Variants in ZNF253 observed in about 807,000 individuals in gnomAD.
ZNF253 encodes zinc finger protein 253.
ZNF253 carries 8 observed loss-of-function variants against 11.9 expected under a neutral mutation model. The observed-to-expected ratio is 0.67, with a 90% CI of 0.40 to 1.22. The LOEUF is 1.22. Among genes scored for constraint, ZNF253 ranks in the 50% most tolerant of loss-of-function variants. The probability of loss-of-function intolerance (pLI) is 0.01; values close to 1 mark genes in which losing one functional copy is unlikely to be tolerated. For missense variants in ZNF253, 485 were observed against 586.9 expected, an observed-to-expected ratio of 0.83 and a Z score of 1.79; for synonymous variants, 194 against 194.9, an observed-to-expected ratio of 1.00 and a Z score of 0.04.
intron 3 of ZNF253, among the ~76,000 whole-genome samples, chr19:19,890,990 G>A (rs985461573): frequency 2.0e-5 from 3 of 149,832 alleles, no homozygotes; most frequent in African/African-American, 7.6e-5. Context: ...AAATGTGCCC[G>A]CCACCATGTC....
intron 3 of ZNF253, among the ~76,000 whole-genome samples, chr19:19,886,574 TA>T (rs2063207201): frequency 6.6e-6 from 1 of 152,328 alleles, no homozygotes; most frequent in African/African-American, 2.4e-5. Flanking sequence ...CTTTTCACTC[TA>T]TTAATTCAAA....
At chr19:19,889,161 T>C (rs2063218719) in intron 3 of ZNF253, among the ~76,000 whole-genome samples, 1 of 151,938 alleles carries the variant, frequency 6.6e-6, no homozygotes, top group South Asian at 2.1e-4. Context: ...TTCAGCTTCT[T>C]CATGTTTACA....
intron 1 of ZNF253, 98 bp downstream of exon 1, chr19:19,866,097 C>A: frequency 1.3e-6 from 2 of 1,521,868 alleles, no homozygotes; most frequent in South Asian, 1.1e-5. Context: ...GTCAGCTCCA[C>A]AATCTGCCGC....
chr19:19,887,209 A>T (rs1018656020), intron 3 of ZNF253, among the ~76,000 whole-genome samples: 2 of 151,980 alleles, frequency 1.3e-5, no homozygotes, highest in Non-Finnish European at 2.9e-5. Flanking sequence ...ATTTGACTCA[A>T]TGCAAAATGA....
intron 1 of ZNF253, among the ~76,000 whole-genome samples, chr19:19,867,506 G>T (rs1413021003): frequency 6.6e-6 from 1 of 152,042 alleles, no homozygotes; most frequent in Non-Finnish European, 1.5e-5. Context: ...TGATCTACAC[G>T]CTGGTGTTAC....
Position 19,878,600 on chromosome 19 carries a change from C to G in ZNF253, c.123C>G (p.Val41=). The G allele has an allele frequency of 1.9e-6, 3 of 1,613,112 alleles. No individual in the cohort carries two copies. Among genetic ancestry groups the G allele is most frequent in the Non-Finnish European group, 2.5e-6 (3 of 1,179,600 alleles). Residue 41 remains valine, a synonymous_variant, in exon 2 of 4, where the codon GTC becomes GTG. Transcript: ENST00000589717. ...DVMLENYRNL[V]FLGIVVSKPD... ...TGTTAGAGAACTACAGAAACTTGGT[C>G]TTCCTTGGTGAGGACAACTTGAATA...
intron 1 of ZNF253, among the ~76,000 whole-genome samples, chr19:19,877,124 GA>G (rs2063159058): frequency 2.0e-5 from 3 of 152,186 alleles, no homozygotes; most frequent in African/African-American, 7.2e-5. Flanking sequence ...GCTCTATGCA[GA>G]ATAGGATTAG....
intron 2 of ZNF253, among the ~76,000 whole-genome samples, chr19:19,879,515 A>G (rs1338938385): frequency 9.0e-5 from 8 of 88,632 alleles, no homozygotes; most frequent in Non-Finnish European, 1.6e-4. Context: ...TAAGTTTGAG[A>G]AATGAGAACA....
chr19:19,866,161 G>T (rs1487750133), intron 1 of ZNF253, among the ~76,000 whole-genome samples, 162 bp downstream of exon 1: 4 of 152,180 alleles, frequency 2.6e-5, no homozygotes, highest in Admixed American at 1.3e-4. Flanking sequence ...TAAGATGGCG[G>T]CTGCGGTGAC....
intron 3 of ZNF253, among the ~76,000 whole-genome samples, chr19:19,885,265 TTCTTTCTTTCTTTCTTTCTTTCTTTC>T (rs2063196325): frequency 2.9e-5 from 2 of 67,908 alleles, no homozygotes; most frequent in African/African-American, 3.8e-4. Flanking sequence ...CTTTCTTTCT[TTCTTTCTTTCTTTCTTTCTTTCTTTC>T]TCTTTCTTTT....
At chr19:19,886,697 T>A (rs2063207630) in intron 3 of ZNF253, among the ~76,000 whole-genome samples, 1 of 152,222 alleles carries the variant, frequency 6.6e-6, no homozygotes, top group South Asian at 2.1e-4. Flanking sequence ...TTAAGCTTCC[T>A]GAAATCCTCA....
Position 19,892,524 on chromosome 19 carries a change from G to A in ZNF253, c.1277G>A (p.Cys426Tyr). ...RTHTGEKPYK[C>Y]EECGKSFTAS... ...CATACTGGAGAGAAACCCTACAAAT[G>A]TGAAGAATGTGGCAAATCCTTTACT... The change falls in exon 4 of 4, where the codon TGT (cysteine) becomes TAT (tyrosine). Residue 426 changes from cysteine (C) to tyrosine (Y), a missense_variant. Around this residue, in one of 3 missense-constraint regions of ZNF253, gnomAD observed 232 missense variants for 321.4 expected, o/e 0.72. Transcript: ENST00000589717. The A allele has an allele frequency of 2.5e-6, 4 of 1,613,838 alleles. No individual in the cohort carries two copies. The highest frequency in any genetic ancestry group is 3.4e-6 in the Non-Finnish European group (4 of 1,179,940).
chr19:19,885,357 C>T (rs76786763), intron 3 of ZNF253, among the ~76,000 whole-genome samples: 704 of 29,414 alleles, frequency 0.024, 43 homozygotes, highest in African/African-American at 0.13. Flanking sequence ...TTTCTTTCTT[C>T]CTTTCTTTTC....
intron 3 of ZNF253, among the ~76,000 whole-genome samples, chr19:19,880,517 C>T (rs1246019252): frequency 6.6e-6 from 1 of 151,840 alleles, no homozygotes; most frequent in Non-Finnish European, 1.5e-5. Flanking sequence ...TTAGCCTGAC[C>T]AACATGGTGA....
At chr19:19,877,380 C>CT (rs57209218) in intron 1 of ZNF253, among the ~76,000 whole-genome samples, 33,756 of 144,978 alleles carry the variant, frequency 0.23, 4,036 homozygotes, top group East Asian at 0.43. Flanking sequence ...TCTTCTTCTT[C>CT]TTTTTTTTTT....
At chr19:19,875,452 AGT>A (rs2063151033) in intron 1 of ZNF253, among the ~76,000 whole-genome samples, 1 of 151,842 alleles carries the variant, frequency 6.6e-6, no homozygotes, top group Non-Finnish European at 1.5e-5. Flanking sequence ...GCTGGAGTGC[AGT>A]GGTGGATCTC....
chr19:19,872,585 A>ATTTTATATATATATATATATTAT (rs59790297), intron 1 of ZNF253, among the ~76,000 whole-genome samples: 1 of 90,476 alleles, frequency 1.1e-5, no homozygotes, highest in African/African-American at 6.1e-5. Context: ...ATATATTATT[A>ATTTTATATATATATATATATTAT]TATATATATA....
In ZNF253 at chr19:19,878,541, G is replaced by A; in HGVS notation, c.64G>A (p.Asp22Asn). ...EFSLEEWHCL[D>N]TAQRNLYRDV... ...CTCTCTGGAGGAGTGGCATTGCCTG[G>A]ACACTGCACAGCGGAATTTATATAG... Residue 22 changes from aspartate (D) to asparagine (N), a missense_variant, in exon 2 of 4, where the codon GAC (aspartate) becomes AAC (asparagine). Asp to Asn is a conservative substitution (Grantham distance 23). Transcript: ENST00000589717. 6.2e-7 allele frequency: 1 copy of A among 1,614,014 alleles called. No homozygotes were observed. Among genetic ancestry groups the A allele is most frequent in the African/African-American group, 1.3e-5 (1 of 75,006 alleles).
At position 19,889,921 on chromosome 19, in the gene ZNF253, T is replaced by C. The variant is rs562756486; in HGVS notation, c.227-1553T>C. 2.0e-3 allele frequency among the ~76,000 whole-genome samples: 310 copies of C among 152,376 alleles called. 1 individual carries two copies. The highest frequency in any genetic ancestry group is 3.8e-3 in the Non-Finnish European group (260 of 68,032). On this transcript the variant is annotated intron_variant, in intron 3 of 3. Transcript: ENST00000589717. ...TCCCAATGTGTTAGAATTACAGGAA[T>C]GAGCTTCCAAGCTTGGCCTGTTCAA... is the stretch of plus-strand genomic sequence containing the variant.
Sources: allele counts gnomAD v4.1 joint callset (sites outside exome capture counted in the v4.1 genomes callset), GRCh38; gene constraint gnomAD v4.1.1; regional missense constraint gnomAD v4.1.1; transcripts MANE v1.5; gene names NCBI Gene and HGNC (gene_info 2026-07-23, HGNC 2026-07-21).